The following CFAP70 variants were observed in gnomAD, a reference collection of about 807,000 sequenced individuals.
CFAP70 encodes the protein cilia and flagella associated protein 70, also known as cilia- and flagella-associated protein 70.
A neutral mutation model predicts 137.6 loss-of-function variants in CFAP70; 81 were observed. That is an observed-to-expected ratio of 0.59 (90% CI 0.49 to 0.71). The LOEUF (loss-of-function observed/expected upper bound fraction) is 0.71. Among genes scored for constraint, CFAP70 ranks in the 30% least tolerant of loss-of-function variants. The probability of loss-of-function intolerance (pLI) is 0.00; values close to 1 mark genes in which losing one functional copy is unlikely to be tolerated. For missense variants in CFAP70, 976 were observed against 1,226.7 expected, an observed-to-expected ratio of 0.80 and a Z score of 3.05; for synonymous variants, 382 against 423.6, an observed-to-expected ratio of 0.90 and a Z score of 1.20.
chr10:73,298,577 G>A (rs2048710208), intron 14 of CFAP70, among the ~76,000 whole-genome samples: 1 of 152,172 alleles, frequency 6.6e-6, no homozygotes, highest in Non-Finnish European at 1.5e-5. Flanking sequence ...AGATTTGAAT[G>A]AGAGGCAAGA....
At chr10:73,320,242 T>C (rs1430288019) in intron 9 of CFAP70, among the ~76,000 whole-genome samples, 1 of 152,184 alleles carries the variant, frequency 6.6e-6, no homozygotes, top group Non-Finnish European at 1.5e-5. Context: ...AGTCTTCACA[T>C]TTAACTTATT....
rs12258733 is a variant in CFAP70, at chr10:73,291,107, T to A, written c.2239+119A>T. 4,481 of 814,596 alleles carry A rather than the reference T, an allele frequency of 5.5e-3. 76 individuals are homozygous for A. Among genetic ancestry groups the A allele is most frequent in the African/African-American group, 0.045 (2,671 of 58,948 alleles). The allele number at this position is 814,596 out of a possible 1,614,324, so 50.5% of individuals were successfully genotyped here. On this transcript the variant is annotated intron_variant, in intron 19 of 26. Coordinates refer to ENST00000310715, the Ensembl canonical transcript of CFAP70. ...ACAGCTCACTGCAACCTTGAACTCC[T>A]GGGCTCAAGTGATCCTCCCATCTCA...
intron 8 of CFAP70, 76 bp from the exon 10 acceptor site, chr10:73,323,173 T>C: frequency 7.3e-7 from 1 of 1,364,990 alleles, no homozygotes; most frequent in East Asian, 2.5e-5. Context: ...ACTCAGCAGT[T>C]CAAAGGCCTG....
chr10:73,355,552 C>T (rs911702391), intron 1 of CFAP70, among the ~76,000 whole-genome samples: 3 of 152,052 alleles, frequency 2.0e-5, no homozygotes, highest in Non-Finnish European at 4.4e-5. Context: ...GCGAGGCGGG[C>T]GGATCACCAA....
At chr10:73,316,491 T>TATAG (rs1554903353) in intron 9 of CFAP70, among the ~76,000 whole-genome samples, 2 of 116,834 alleles carry the variant, frequency 1.7e-5, no homozygotes, top group Non-Finnish European at 3.5e-5. Context: ...GATATAGATA[T>TATAG]ATATATATAT....
At chr10:73,284,737 CACATATATATATATATATATATATAT>C (rs1187661485) in intron 19 of CFAP70, among the ~76,000 whole-genome samples, 8 of 60,090 alleles carry the variant, frequency 1.3e-4, no homozygotes, top group African/African-American at 5.0e-4. Context: ...TATGACCTGC[CACATATATATATATATATATATATAT>C]ATATATATAT....
At chr10:73,310,873 C>T (rs1332874874) in intron 11 of CFAP70, among the ~76,000 whole-genome samples, 4 of 152,154 alleles carry the variant, frequency 2.6e-5, no homozygotes, top group African/African-American at 7.2e-5. Context: ...CCTTGCCTCT[C>T]CAGGTTTCTG....
chr10:73,299,305 T>C (rs546357909), intron 13 of CFAP70, among the ~76,000 whole-genome samples: 1 of 152,260 alleles, frequency 6.6e-6, no homozygotes, highest in Admixed American at 6.5e-5. Flanking sequence ...ACTCCTGGCC[T>C]CAAGCAACCC....
At chr10:73,277,390 G>A in intron 20 of CFAP70, 29 bp from the exon 22 acceptor site, 5 of 1,609,748 alleles carry the variant, frequency 3.1e-6, no homozygotes, top group Non-Finnish European at 4.2e-6. Flanking sequence ...AAGGATTGAA[G>A]ATTGGATATA....
chr10:73,358,730 T>TA (rs2054872602), exon 1 of CFAP70: 1 of 151,706 alleles, frequency 6.6e-6, no homozygotes, highest in Non-Finnish European at 1.5e-5. Context: ...CAGCCTCAGT[T>TA]ATGTTTTTGA....
At chr10:73,321,822 T>C (rs2050880019) in intron 9 of CFAP70, among the ~76,000 whole-genome samples, 1 of 152,198 alleles carries the variant, frequency 6.6e-6, no homozygotes, top group Non-Finnish European at 1.5e-5. Flanking sequence ...CTTGCTCTGT[T>C]GCCCAGGCTG....
intron 19 of CFAP70, among the ~76,000 whole-genome samples, chr10:73,286,254 C>T (rs1488484649): frequency 6.6e-6 from 1 of 152,050 alleles, no homozygotes; most frequent in African/African-American, 2.4e-5. Context: ...ACCAGCCTGG[C>T]GAACATGGTG....
At chr10:73,322,758 A>G (rs2050991675) in intron 9 of CFAP70, among the ~76,000 whole-genome samples, 1 of 152,102 alleles carries the variant, frequency 6.6e-6, no homozygotes, top group Non-Finnish European at 1.5e-5. Context: ...CTGTTGATAG[A>G]GATTTAGGTT....
At chr10:73,316,491 T>TAG (rs1189196798) in intron 9 of CFAP70, among the ~76,000 whole-genome samples, 1,252 of 116,778 alleles carry the variant, frequency 0.011, 14 homozygotes, top group African/African-American at 0.035. Context: ...GATATAGATA[T>TAG]ATATATATAT....
At chr10:73,298,551 A>G (rs1015096745) in intron 14 of CFAP70, among the ~76,000 whole-genome samples, 2 of 152,164 alleles carry the variant, frequency 1.3e-5, no homozygotes, top group African/African-American at 4.8e-5. Flanking sequence ...TAAAACTAAA[A>G]TTAATTCTTT....
intron 12 of CFAP70, among the ~76,000 whole-genome samples, chr10:73,299,875 G>C (rs192396352): frequency 3.0e-4 from 46 of 152,278 alleles, no homozygotes; most frequent in Non-Finnish European, 5.9e-4. Context: ...ACAGAAGGGA[G>C]GTGAGGAAGC....
At chr10:73,300,448 T>C (rs2048864278) in intron 12 of CFAP70, among the ~76,000 whole-genome samples, 1 of 152,182 alleles carries the variant, frequency 6.6e-6, no homozygotes. Context: ...AAATAGGTAA[T>C]CTATTTATAT....
chr10:73,301,050 T>C (rs529044394), intron 12 of CFAP70, among the ~76,000 whole-genome samples: 1 of 152,172 alleles, frequency 6.6e-6, no homozygotes, highest in Middle Eastern at 3.4e-3. Context: ...ATATGTCCCA[T>C]AGAGAAAAAT....
chr10:73,356,675 T>C (rs944252606), intron 1 of CFAP70, among the ~76,000 whole-genome samples: 2 of 152,244 alleles, frequency 1.3e-5, no homozygotes, highest in Non-Finnish European at 2.9e-5. Context: ...AAATCATTTG[T>C]TCAACAACAT....
Sources: allele counts gnomAD v4.1 joint callset (sites outside exome capture counted in the v4.1 genomes callset), GRCh38; gene constraint gnomAD v4.1.1; transcripts MANE v1.5; gene names NCBI Gene and HGNC (gene_info 2026-07-23, HGNC 2026-07-21).